Variants in XYLT1 observed in about 807,000 individuals in gnomAD.
The protein encoded by XYLT1 is beta-D-xylosyltransferase 1.
Under a neutral mutation model 91.3 loss-of-function variants are expected in XYLT1, and 36 were observed. The observed-to-expected ratio is 0.39, with a 90% CI of 0.30 to 0.52. The LOEUF is 0.52. Ranked by LOEUF, XYLT1 falls within the 20% of genes least tolerant of loss-of-function variation. The probability of loss-of-function intolerance (pLI) is 0.68; values close to 1 mark genes in which losing one functional copy is unlikely to be tolerated. For synonymous variants in XYLT1, 588 were observed against 532.0 expected, an observed-to-expected ratio of 1.11 and a Z score of -1.45; for missense variants, 1,242 against 1,284.5, an observed-to-expected ratio of 0.97 and a Z score of 0.51.
intron 2 of XYLT1, among the ~76,000 whole-genome samples, chr16:17,264,529 G>A (rs2033772543): frequency 6.6e-6 from 1 of 152,164 alleles, no homozygotes; most frequent in African/African-American, 2.4e-5. Context: ...TGACTGCCAA[G>A]GGGCAAACAG....
intron 1 of XYLT1, among the ~76,000 whole-genome samples, chr16:17,400,667 G>C (rs1374947673): frequency 7.9e-6 from 1 of 126,018 alleles, no homozygotes; most frequent in Non-Finnish European, 1.7e-5. Context: ...AAGGAAGGAA[G>C]GAAGGAAGGA....
intron 5 of XYLT1, chr16:17,194,319 G>A (rs2032381610): frequency 1.3e-5 from 2 of 152,208 alleles, no homozygotes. Flanking sequence ...CACCCTCCCG[G>A]GTGCTGAGCC....
chr16:17,306,527 C>T (rs552820054), intron 2 of XYLT1, among the ~76,000 whole-genome samples: 1 of 150,208 alleles, frequency 6.7e-6, no homozygotes, highest in Non-Finnish European at 1.5e-5. Flanking sequence ...TGCACTCCAG[C>T]CTGGGTGACA....
At chr16:17,265,807 T>C (rs1351499304) in intron 2 of XYLT1, among the ~76,000 whole-genome samples, 1 of 148,334 alleles carries the variant, frequency 6.7e-6, no homozygotes, top group Non-Finnish European at 1.5e-5. Context: ...TACTGAATCC[T>C]GGCCCCTTGC....
At chr16:17,406,905 A>G (rs1335395643) in intron 1 of XYLT1, among the ~76,000 whole-genome samples, 1 of 152,202 alleles carries the variant, frequency 6.6e-6, no homozygotes, top group Non-Finnish European at 1.5e-5. Context: ...GAAAAATAAA[A>G]CATAAGAACA....
intron 2 of XYLT1, among the ~76,000 whole-genome samples, chr16:17,325,368 T>C (rs1182786522): frequency 6.6e-6 from 1 of 152,204 alleles, no homozygotes; most frequent in East Asian, 1.9e-4. Context: ...GCCACTGCAC[T>C]CTAGCCTGGG....
intron 3 of XYLT1, among the ~76,000 whole-genome samples, chr16:17,252,762 C>T (rs1037935300): frequency 1.5e-4 from 23 of 152,172 alleles, no homozygotes; most frequent in East Asian, 7.7e-4. Context: ...GGAGTGGGGG[C>T]GCTGTACCAA....
At chr16:17,158,975 C>T in intron 5 of XYLT1, 66 bp from the exon 6 acceptor site, 1 of 1,393,142 alleles carries the variant, frequency 7.2e-7, no homozygotes. Context: ...TCACAGAAAG[C>T]AAGTTTCACC....
intron 11 of XYLT1, among the ~76,000 whole-genome samples, chr16:17,115,312 T>TAAAAAAAA (rs869095502): frequency 2.0e-5 from 1 of 48,844 alleles, no homozygotes; most frequent in Non-Finnish European, 3.7e-5. Context: ...CAAAAATAGT[T>TAAAAAAAA]AAAAAAAAAA....
intron 5 of XYLT1, among the ~76,000 whole-genome samples, chr16:17,182,176 AG>A: frequency 6.6e-6 from 1 of 152,354 alleles, no homozygotes; most frequent in Admixed American, 6.5e-5. Flanking sequence ...GCTCTCATAC[AG>A]GGGATGAGGA....
chr16:17,162,214 C>A (rs966699829), intron 5 of XYLT1, among the ~76,000 whole-genome samples: 6 of 151,996 alleles, frequency 3.9e-5, no homozygotes, highest in Non-Finnish European at 7.4e-5. Context: ...TTGAGACCAG[C>A]CCGGCCAACA....
intron 3 of XYLT1, among the ~76,000 whole-genome samples, chr16:17,214,830 T>C (rs12932336): frequency 0.3 from 45,170 of 152,144 alleles, 7,641 homozygotes; most frequent in East Asian, 0.54. Context: ...TCTTCTCCTC[T>C]TTCCAACCTC....
chr16:17,150,432 C>T (rs754659949), intron 6 of XYLT1, among the ~76,000 whole-genome samples: 2 of 152,184 alleles, frequency 1.3e-5, no homozygotes, highest in Non-Finnish European at 2.9e-5. Context: ...AAATGGACAT[C>T]ACCCCGCCCT....
intron 6 of XYLT1, among the ~76,000 whole-genome samples, chr16:17,142,945 C>CA (rs965956266): frequency 2.1e-4 from 32 of 152,106 alleles, no homozygotes; most frequent in African/African-American, 7.2e-4. Flanking sequence ...TCTTCTCATC[C>CA]AAAATCACGA....
intron 3 of XYLT1, among the ~76,000 whole-genome samples, chr16:17,234,932 T>G (rs2033223958): frequency 6.6e-6 from 1 of 152,196 alleles, no homozygotes; most frequent in Non-Finnish European, 1.5e-5. Flanking sequence ...AATCAATGCA[T>G]TCTTCAACTG....
Position 17,126,090 on chromosome 16 carries a change from G to A in XYLT1, c.2223+1576C>T, listed in dbSNP as rs896889985. Among the ~76,000 whole-genome samples, 12 of 152,278 alleles carry A rather than the reference G, an allele frequency of 7.9e-5. No individual in the cohort carries two copies. The East Asian group carries it at 1.7e-3, about 22-fold the overall frequency. On this transcript the variant is annotated intron_variant, in intron 10 of 11. Coordinates refer to ENST00000261381, the MANE Select transcript of XYLT1 (RefSeq NM_022166.4). ...TCTGTTCATTTGCTACTAAAATTAA[G>A]AGTTTAGAAAAAATTCAAAATACAA...
Position 17,470,456 on chromosome 16 carries a change from C to G in XYLT1, c.341G>C (p.Gly114Ala). The G allele has an allele frequency of 8.1e-7, 1 of 1,231,908 alleles. No homozygotes were observed. 76.3% of individuals were successfully genotyped at this position (1,231,908 alleles called of 1,614,324 possible). ...EPRGQQPASR[G>A]ALPARALDPH... is the part of the protein sequence containing the mutation. Reference sequence around the variant, plus strand: ...TACCAGAGCCCGGGCGGGCAGTGCCCCCCGGCTGGCCGGCTGCTGTCCCCG... The same window carrying G: ...TACCAGAGCCCGGGCGGGCAGTGCCGCCCGGCTGGCCGGCTGCTGTCCCCG... Residue 114 changes from glycine (G) to alanine (A), a missense_variant, in exon 1 of 12, where the codon GGG becomes GCG. Coordinates refer to ENST00000261381, the MANE Select transcript of XYLT1 (RefSeq NM_022166.4).
chr16:17,323,918 T>A (rs1400496424), intron 2 of XYLT1, among the ~76,000 whole-genome samples: 1 of 152,122 alleles, frequency 6.6e-6, no homozygotes, highest in African/African-American at 2.4e-5. Flanking sequence ...TTTAAAACAT[T>A]TAACTTATTC....
chr16:17,355,973 C>T lies in XYLT1; in HGVS notation c.402+2039G>A, dbSNP rs566908883. Among the ~76,000 whole-genome samples, 3 of 152,288 alleles carry T rather than the reference C, an allele frequency of 2.0e-5. No homozygotes were observed. In the South Asian group the frequency reaches 6.2e-4, roughly 32 times the overall value. On this transcript the variant is annotated intron_variant, in intron 2 of 11. Transcript: ENST00000261381. ...AAGTGATCTGCCTACCTCAGCCCCC[C>T]AAAGTGCTGGGATACAGGCGTTAGC... is the stretch of plus-strand genomic sequence containing the variant.
Sources: allele counts gnomAD v4.1 joint callset (sites outside exome capture counted in the v4.1 genomes callset), GRCh38; gene constraint gnomAD v4.1.1; transcripts MANE v1.5; gene names NCBI Gene and HGNC (gene_info 2026-07-23, HGNC 2026-07-21).